ELAPOR2: variants seen among roughly 807,000 people sequenced by gnomAD.
ELAPOR2 encodes the protein endosome-lysosome associated apoptosis and autophagy regulator family member 2, also known as endosome/lysosome-associated apoptosis and autophagy regulator family member 2.
Under a neutral mutation model 120.7 loss-of-function variants are expected in ELAPOR2, and 89 were observed. The ratio of observed to expected loss-of-function variants is 0.74; its 90% CI spans 0.62 to 0.88. ELAPOR2 has a LOEUF of 0.88. Among genes scored for constraint, ELAPOR2 ranks in the 40% least tolerant of loss-of-function variants. ELAPOR2 has a pLI of 0.00. For synonymous variants in ELAPOR2, 444 were observed against 444.9 expected (o/e 1.00, Z 0.03); for missense variants, 1,134 against 1,251.6 (o/e 0.91, Z 1.42).
intron 1 of ELAPOR2, among the ~76,000 whole-genome samples, chr7:87,004,458 A>G (rs1793410241): frequency 6.6e-6 from 1 of 152,180 alleles, no homozygotes; most frequent in Admixed American, 6.5e-5. Context: ...CACACACCAA[A>G]CATAATGCTG....
At chr7:86,996,487 A>G (rs560431987) in intron 1 of ELAPOR2, among the ~76,000 whole-genome samples, 53 of 152,240 alleles carry the variant, frequency 3.5e-4, no homozygotes, top group Non-Finnish European at 6.3e-4. Context: ...GGGAACAAGA[A>G]GAGTATCATG....
chr7:86,932,240 C>T (rs1390785140), intron 8 of ELAPOR2, among the ~76,000 whole-genome samples: 1 of 151,804 alleles, frequency 6.6e-6, no homozygotes, highest in Non-Finnish European at 1.5e-5. Flanking sequence ...TCAAATTGAG[C>T]CAAGAATATT....
chr7:86,928,935 G>C (rs1011890198), intron 8 of ELAPOR2, among the ~76,000 whole-genome samples: 3 of 151,844 alleles, frequency 2.0e-5, no homozygotes. Flanking sequence ...ACTAGGTAAA[G>C]ATAATAATTA....
At chr7:86,894,768 G>T (rs1189172984) in intron 19 of ELAPOR2, among the ~76,000 whole-genome samples, 1 of 152,028 alleles carries the variant, frequency 6.6e-6, no homozygotes, top group African/African-American at 2.4e-5. Context: ...GAAATATCTT[G>T]TGAGCAGGGT....
intron 1 of ELAPOR2, among the ~76,000 whole-genome samples, chr7:87,002,015 T>TGAC (rs2116633801): frequency 6.6e-6 from 1 of 152,264 alleles, no homozygotes; most frequent in African/African-American, 2.4e-5. Flanking sequence ...TGTTCTGCTA[T>TGAC]TGTGTCAGGT....
chr7:86,998,167 T>G (rs923653328), intron 1 of ELAPOR2, among the ~76,000 whole-genome samples: 1 of 152,172 alleles, frequency 6.6e-6, no homozygotes, highest in Non-Finnish European at 1.5e-5. Flanking sequence ...CCTCAAGAGA[T>G]CACAGATGAA....
intron 1 of ELAPOR2, among the ~76,000 whole-genome samples, chr7:87,035,956 G>A (rs76665786): frequency 8.3e-4 from 126 of 152,180 alleles, no homozygotes; most frequent in South Asian, 4.4e-3. Flanking sequence ...TGGTTATGCC[G>A]TCTCAAAACC....
In ELAPOR2 at chr7:86,942,029, C is replaced by A; in HGVS notation, c.730G>T (p.Gly244Cys). The A allele has an allele frequency of 6.5e-7, 1 of 1,544,132 alleles. No individual in the cohort carries two copies. The highest frequency in any genetic ancestry group is 8.8e-7 in the Non-Finnish European group (1 of 1,140,514). ...ACAAAGAGACTTACAGAATGAGAGC[C>A]CCATTCTCCATTGTCTGTAAGTTTT... ...WVKLTDNGEW[G>C]SHSVMLKSGT... Residue 244 changes from glycine (G) to cysteine (C), a missense_variant, in exon 5 of 22, where the codon GGC becomes TGC. This residue lies in a region of ELAPOR2 where 280 missense variants were observed against 331.5 expected (regional missense o/e 0.84). Transcript: ENST00000450689.
At chr7:86,924,038 C>T (rs1463435474) in intron 10 of ELAPOR2, among the ~76,000 whole-genome samples, 1 of 152,042 alleles carries the variant, frequency 6.6e-6, no homozygotes, top group African/African-American at 2.4e-5. Context: ...AGGGGACAGG[C>T]TGCCCCTGTG....
chr7:86,989,962 G>A (rs1792886918), intron 1 of ELAPOR2, among the ~76,000 whole-genome samples: 1 of 152,050 alleles, frequency 6.6e-6, no homozygotes, highest in Admixed American at 6.5e-5. Context: ...AACTCACACT[G>A]AAATTTAATC....
chr7:86,996,130 C>CA (rs1220244202), intron 1 of ELAPOR2, among the ~76,000 whole-genome samples: 114 of 148,318 alleles, frequency 7.7e-4, no homozygotes, highest in South Asian at 1.3e-3. Flanking sequence ...GTTAAAGAGA[C>CA]AAAAAAAAAT....
At chr7:87,047,123 C>G (rs987073677) in intron 1 of ELAPOR2, among the ~76,000 whole-genome samples, 1 of 152,178 alleles carries the variant, frequency 6.6e-6, no homozygotes, top group African/African-American at 2.4e-5. Flanking sequence ...GCTGGAAAAA[C>G]TAGACATCCA....
intron 18 of ELAPOR2, 137 bp downstream of exon 18, chr7:86,907,533 C>CAAA (rs10547506): frequency 1.3e-4 from 69 of 516,776 alleles, no homozygotes; most frequent in African/African-American, 4.1e-4. Flanking sequence ...ACATTCCCTA[C>CAAA]AAAAAAAAAA....
Position 87,022,959 on chromosome 7 carries a change from T to C in ELAPOR2, c.189+36366A>G, listed in dbSNP as rs1794109831. 2.0e-5 allele frequency among the ~76,000 whole-genome samples: 3 copies of C among 152,350 alleles called. No individual in the cohort carries two copies. In the South Asian group the frequency reaches 6.2e-4, roughly 32 times the overall value. ...CTTGTAAATTTGTTGGAGTTCATTGTAGATTCTGGATATTAACCCTTTGTC... is the reference window on the plus strand; with the variant it reads ...CTTGTAAATTTGTTGGAGTTCATTGCAGATTCTGGATATTAACCCTTTGTC... On this transcript the variant is annotated intron_variant, in intron 1 of 21. Coordinates refer to ENST00000450689, the MANE Select transcript of ELAPOR2 (RefSeq NM_001142749.3).
intron 17 of ELAPOR2, among the ~76,000 whole-genome samples, chr7:86,908,189 G>C (rs1050428531): frequency 3.4e-5 from 5 of 149,188 alleles, no homozygotes; most frequent in Non-Finnish European, 7.5e-5. Flanking sequence ...ACACACACGA[G>C]AAATTATACA....
Position 86,880,155 on chromosome 7 carries a change from T to C in ELAPOR2, c.*316A>G. ...TAAAGAATAAAAGTTACCCATTAATTATATGGCATGCATCAGCAGTGCATT... is the reference window on the plus strand; with the variant it reads ...TAAAGAATAAAAGTTACCCATTAATCATATGGCATGCATCAGCAGTGCATT... On this transcript the variant is annotated 3_prime_UTR_variant, in exon 22 of 22. Coordinates refer to ENST00000450689, the MANE Select transcript of ELAPOR2 (RefSeq NM_001142749.3). 1 of 294,172 alleles carries C rather than the reference T, an allele frequency of 3.4e-6. No individual in the cohort carries two copies. Among genetic ancestry groups the C allele is most frequent in the Non-Finnish European group, 6.2e-6 (1 of 160,128 alleles). The allele number at this position is 294,172 out of a possible 1,614,324, so 18.2% of individuals were successfully genotyped here.
intron 21 of ELAPOR2, 83 bp downstream of exon 21, chr7:86,891,641 G>T: frequency 1.7e-6 from 2 of 1,151,972 alleles, no homozygotes; most frequent in Non-Finnish European, 2.5e-6. Context: ...CAAAATAACA[G>T]CTTGCGTGAA....
At chr7:87,049,306 G>A (rs191924537) in intron 1 of ELAPOR2, among the ~76,000 whole-genome samples, 180 of 151,332 alleles carry the variant, frequency 1.2e-3, no homozygotes, top group Middle Eastern at 0.01. Flanking sequence ...TTTTGAGACC[G>A]AGCCTCGCTC....
At chr7:86,971,128 G>C (rs1207734259) in intron 1 of ELAPOR2, among the ~76,000 whole-genome samples, 1 of 152,048 alleles carries the variant, frequency 6.6e-6, no homozygotes, top group Admixed American at 6.6e-5. Context: ...GCAATGAACT[G>C]GTAACAACAA....
Sources: allele counts gnomAD v4.1 joint callset (sites outside exome capture counted in the v4.1 genomes callset), GRCh38; gene constraint gnomAD v4.1.1; regional missense constraint gnomAD v4.1.1; transcripts MANE v1.5; gene names NCBI Gene and HGNC (gene_info 2026-07-23, HGNC 2026-07-21).